Variants in CFDP1 observed in about 807,000 individuals in gnomAD.
CFDP1 encodes heterochromatin-stabilizing protein CFDP1.
CFDP1 carries 31 observed loss-of-function variants against 40.1 expected under a neutral mutation model. The observed-to-expected ratio is 0.77, with a 90% confidence interval of 0.58 to 1.04. CFDP1 has a LOEUF of 1.04. CFDP1 is among the 50% of genes least tolerant of loss of function. CFDP1 has a pLI of 0.00. For synonymous variants in CFDP1, 167 were observed against 120.0 expected (o/e 1.39, Z -2.56); for missense variants, 423 against 343.4 (o/e 1.23, Z -1.83).
chr16:75,363,308 T>C (rs934002307), intron 5 of CFDP1, among the ~76,000 whole-genome samples: 1 of 151,080 alleles, frequency 6.6e-6, no homozygotes, highest in Non-Finnish European at 1.5e-5. Context: ...TCCCCTCTTG[T>C]GACACTCCTA....
intron 5 of CFDP1, among the ~76,000 whole-genome samples, chr16:75,364,695 T>C (rs1424349656): frequency 2.0e-5 from 3 of 152,240 alleles, no homozygotes; most frequent in Non-Finnish European, 4.4e-5. Context: ...AATATACTTA[T>C]TTTTCACAAA....
In CFDP1 at chr16:75,337,154, G is replaced by A. The variant is rs953649815; in HGVS notation, c.651-31972C>T. On this transcript the variant is annotated intron_variant, in intron 5 of 6. Coordinates refer to ENST00000283882, the MANE Select transcript of CFDP1 (RefSeq NM_006324.3). ...TTAAAATGAACTTCCTACTAAGGCAGGTACTACTCTGCTCGCTGATGCGAA... is the reference window on the plus strand; with the variant it reads ...TTAAAATGAACTTCCTACTAAGGCAAGTACTACTCTGCTCGCTGATGCGAA... Among the ~76,000 whole-genome samples, 10 of 152,242 alleles carry A rather than the reference G, an allele frequency of 6.6e-5. 1 individual carries two copies. Among genetic ancestry groups the A allele is most frequent in the Admixed American group, 5.9e-4 (9 of 15,280 alleles).
chr16:75,365,382 G>C (rs1449904253), intron 5 of CFDP1, among the ~76,000 whole-genome samples: 4 of 152,192 alleles, frequency 2.6e-5, no homozygotes, highest in African/African-American at 9.6e-5. Flanking sequence ...AAGCCAGGCA[G>C]AAATTGGAGT....
intron 5 of CFDP1, among the ~76,000 whole-genome samples, chr16:75,330,962 TAAA>T (rs11333509): frequency 7.1e-5 from 9 of 127,652 alleles, no homozygotes; most frequent in Non-Finnish European, 1.1e-4. Context: ...TTCCAATTAT[TAAA>T]AAAAAAAAAA....
chr16:75,333,251 G>A (rs2078460894), intron 5 of CFDP1, among the ~76,000 whole-genome samples: 1 of 151,694 alleles, frequency 6.6e-6, no homozygotes, highest in Non-Finnish European at 1.5e-5. Flanking sequence ...AGCCTCTCGA[G>A]TAGCTGGGAC....
intron 5 of CFDP1, among the ~76,000 whole-genome samples, chr16:75,331,303 G>C (rs974833590): frequency 6.6e-6 from 1 of 152,108 alleles, no homozygotes; most frequent in African/African-American, 2.4e-5. Flanking sequence ...TTTTTGTAGA[G>C]ACAGAGTCTT....
intron 1 of CFDP1, among the ~76,000 whole-genome samples, chr16:75,416,789 T>A (rs369232738): frequency 4.0e-5 from 6 of 151,746 alleles, no homozygotes; most frequent in East Asian, 3.9e-4. Flanking sequence ...TTAAAGGCGA[T>A]GAGAAGGAGC....
chr16:75,331,534 C>T (rs1338677822), intron 5 of CFDP1, among the ~76,000 whole-genome samples: 2 of 152,188 alleles, frequency 1.3e-5, no homozygotes, highest in African/African-American at 2.4e-5. Flanking sequence ...CAGAAGTTCC[C>T]TTCCCAGTCA....
chr16:75,351,196 G>T (rs2078608048), intron 5 of CFDP1, among the ~76,000 whole-genome samples: 1 of 152,158 alleles, frequency 6.6e-6, no homozygotes, highest in Non-Finnish European at 1.5e-5. Flanking sequence ...AACTTGATTT[G>T]TAAGTAGCTG....
At chr16:75,361,527 G>C (rs779331059) in intron 5 of CFDP1, among the ~76,000 whole-genome samples, 6 of 152,084 alleles carry the variant, frequency 3.9e-5, no homozygotes, top group Admixed American at 6.5e-5. Flanking sequence ...TGAGGCATGA[G>C]AATCGCTTGA....
At chr16:75,295,477 C>A (rs1218191109) in intron 6 of CFDP1, among the ~76,000 whole-genome samples, 2 of 152,220 alleles carry the variant, frequency 1.3e-5, no homozygotes, top group Admixed American at 1.3e-4. Context: ...TCACACAGGG[C>A]ACAGAGCAGG....
intron 5 of CFDP1, among the ~76,000 whole-genome samples, chr16:75,347,301 A>T (rs1444956946): frequency 1.3e-4 from 17 of 128,330 alleles, no homozygotes; most frequent in African/African-American, 4.9e-4. Flanking sequence ...CCGAGATCGG[A>T]CCATTGCACT....
At chr16:75,401,947 T>A (rs2079058943) in intron 4 of CFDP1, among the ~76,000 whole-genome samples, 1 of 152,186 alleles carries the variant, frequency 6.6e-6, no homozygotes, top group Non-Finnish European at 1.5e-5. Context: ...TGATATATAG[T>A]AAGTGGCATA....
intron 5 of CFDP1, among the ~76,000 whole-genome samples, chr16:75,391,706 G>A (rs1435904310): frequency 6.6e-6 from 1 of 152,170 alleles, no homozygotes; most frequent in Non-Finnish European, 1.5e-5. Context: ...AGGTGTGGTG[G>A]CTCACACCTG....
intron 5 of CFDP1, among the ~76,000 whole-genome samples, chr16:75,360,578 CA>C (rs2078674253): frequency 6.6e-6 from 1 of 152,158 alleles, no homozygotes; most frequent in Non-Finnish European, 1.5e-5. Context: ...AAGTTAAAGA[CA>C]AAAACAGAGC....
At chr16:75,338,082 C>T (rs1045649388) in intron 5 of CFDP1, among the ~76,000 whole-genome samples, 2 of 152,202 alleles carry the variant, frequency 1.3e-5, no homozygotes, top group African/African-American at 4.8e-5. Flanking sequence ...AAAGGTTCTG[C>T]TCTCTGTTCA....
chr16:75,352,409 C>G (rs2078619201), intron 5 of CFDP1, among the ~76,000 whole-genome samples: 1 of 151,864 alleles, frequency 6.6e-6, no homozygotes, highest in Non-Finnish European at 1.5e-5. Flanking sequence ...AAGAATTTAT[C>G]TTCCTATATG....
At chr16:75,363,445 G>A (rs534653440) in intron 5 of CFDP1, among the ~76,000 whole-genome samples, 2 of 151,574 alleles carry the variant, frequency 1.3e-5, no homozygotes, top group East Asian at 3.9e-4. Context: ...GCCCAGGCTG[G>A]AGTGCAGTGG....
intron 1 of CFDP1, among the ~76,000 whole-genome samples, chr16:75,425,487 C>T (rs558819653): frequency 6.6e-6 from 1 of 151,472 alleles, no homozygotes; most frequent in Admixed American, 6.6e-5. Context: ...ACTCTCTCTA[C>T]CTGATTTCAA....
Sources: gnomAD v4.1 joint callset for allele counts (sites outside exome capture counted in the v4.1 genomes callset) on GRCh38, gnomAD v4.1.1 for gene constraint, MANE v1.5 for transcripts, NCBI Gene and HGNC (gene_info 2026-07-23, HGNC 2026-07-21) for gene names.